Variants in ACAT1 observed in about 807,000 individuals in gnomAD.
ACAT1 encodes the protein acetyl-CoA acetyltransferase, mitochondrial.
A neutral mutation model predicts 47.3 loss-of-function variants in ACAT1; 28 were observed. That is an observed-to-expected ratio of 0.59 (90% CI 0.44 to 0.81). ACAT1 has a LOEUF of 0.81. Ranked by LOEUF, ACAT1 falls within the 30% of genes least tolerant of loss-of-function variation. The probability of loss-of-function intolerance (pLI) is 0.00; values close to 1 mark genes in which losing one functional copy is unlikely to be tolerated. For missense variants in ACAT1, 469 were observed against 524.3 expected (o/e 0.89, Z 1.03); for synonymous variants, 181 against 173.6 (o/e 1.04, Z -0.34).
chr11:108,121,563 C>A (rs1020954601), upstream of ACAT1: 6 of 1,542,438 alleles, frequency 3.9e-6, no homozygotes, highest in Admixed American at 7.8e-5. Flanking sequence ...GGGAGGAGGC[C>A]GCTAGTCTAC....
chr11:108,143,830 A>G (rs2077641197), intron 9 of ACAT1, 153 bp from the exon 10 acceptor site: 2 of 395,564 alleles, frequency 5.1e-6, no homozygotes, highest in African/African-American at 2.3e-5. Flanking sequence ...GTAATTTTAT[A>G]AAGTGTAGAA....
At chr11:108,131,826 T>G (rs2077365498) in intron 1 of ACAT1, 81 bp from the exon 2 acceptor site, 1 of 647,210 alleles carries the variant, frequency 1.5e-6, no homozygotes, top group African/African-American at 1.9e-5. Flanking sequence ...AAGAAACCAC[T>G]ATAACCTTAT....
chr11:108,140,051 C>A lies in ACAT1; in HGVS notation c.580-14C>A, dbSNP rs751093781. The A allele has an allele frequency of 9.9e-6, 16 of 1,610,178 alleles. No individual in the cohort carries two copies. In the African/African-American group the frequency reaches 2.1e-4, roughly 22 times the overall value. ...ATGCAAAGTTAACTTTAAAATATTTCAACTTTTTATCAGGGCAGCTGTGCT... is the reference window on the plus strand; with the variant it reads ...ATGCAAAGTTAACTTTAAAATATTTAAACTTTTTATCAGGGCAGCTGTGCT... On this transcript the variant is annotated splice_polypyrimidine_tract_variant and intron_variant, in intron 6 of 11. Transcript: ENST00000265838.
chr11:108,133,753 A>T, intron 2 of ACAT1, 67 bp from the exon 3 acceptor site: 1 of 1,266,108 alleles, frequency 7.9e-7, no homozygotes, highest in Non-Finnish European at 1.2e-6. Flanking sequence ...TAATATATTT[A>T]TGTTTATTTA....
intron 1 of ACAT1, among the ~76,000 whole-genome samples, chr11:108,125,924 TAAA>T (rs564125266): frequency 8.0e-6 from 1 of 124,598 alleles, no homozygotes. Context: ...AGACTCCGTC[TAAA>T]AAAAAAAAAA....
chr11:108,144,000 G>A lies in ACAT1; in HGVS notation c.958G>A (p.Val320Ile). 6.7e-7 allele frequency: 1 copy of A among 1,482,410 alleles called. No homozygotes were observed. Among genetic ancestry groups the A allele is most frequent in the Non-Finnish European group, 9.2e-7 (1 of 1,089,660 alleles). 91.8% of individuals were successfully genotyped at this position (1,482,410 alleles called of 1,614,324 possible). A position where few individuals can be genotyped will look rare whatever the true frequency, so the allele number is the denominator to read the frequency against. Residue 320 changes from valine (V) to isoleucine (I), a missense_variant, in exon 10 of 12, where the codon GTA becomes ATA. Coordinates refer to ENST00000265838, the MANE Select transcript of ACAT1 (RefSeq NM_000019.4). ...TTAAACAGCATTTGCTGACGCTGCT[G>A]TAGAACCTATTGATTTTCCAATTGC... ...ARIVAFADAA[V>I]EPIDFPIAPV...
Position 108,146,196 on chromosome 11 carries a change from T to A in ACAT1, c.1006-6T>A, listed in dbSNP as rs2077704699. 4.4e-6 allele frequency: 7 copies of A among 1,605,498 alleles called. No homozygotes were observed. The highest frequency in any genetic ancestry group is 6.0e-6 in the Non-Finnish European group (7 of 1,172,998). Reference sequence around the variant, plus strand: ...TGAACATCATCTGTCTTTTAAAAAATTTAAGGTTCTTAAAGATGTGGGATT... The same window carrying A: ...TGAACATCATCTGTCTTTTAAAAAAATTAAGGTTCTTAAAGATGTGGGATT... On this transcript the variant is annotated splice_region_variant and splice_polypyrimidine_tract_variant and intron_variant, in intron 10 of 11. Transcript: ENST00000265838.
At chr11:108,142,981 G>A in intron 9 of ACAT1, 1 of 188,858 alleles carries the variant, frequency 5.3e-6, no homozygotes, top group Admixed American at 5.3e-5. Flanking sequence ...AATTGAGATA[G>A]AAGCTCCTTT....
Position 108,123,919 on chromosome 11 carries a change from T to C in ACAT1, c.72+2241T>C, listed in dbSNP as rs532072462. Among the ~76,000 whole-genome samples the C allele has an allele frequency of 2.6e-5, 4 of 152,314 alleles. No individual in the cohort carries two copies. In the South Asian group the frequency reaches 8.3e-4, roughly 32 times the overall value. On this transcript the variant is annotated intron_variant, in intron 1 of 11. Coordinates refer to ENST00000265838, the MANE Select transcript of ACAT1 (RefSeq NM_000019.4). The stretch of plus-strand genomic sequence containing the variant: ...TCCAGTTTTATTCAGCTTCTTTTAA[T>C]ACTCAGACTTAAAAAAAAATTCCTG...
At chr11:108,142,113 T>C (rs1293848379) in intron 8 of ACAT1, among the ~76,000 whole-genome samples, 3 of 152,228 alleles carry the variant, frequency 2.0e-5, no homozygotes, top group African/African-American at 7.2e-5. Flanking sequence ...GAGTACCTGC[T>C]ATATATTGAA....
At position 108,135,180 on chromosome 11, in the gene ACAT1, GTT is replaced by G. The variant is rs774418317; in HGVS notation, c.375_376del (p.Ala127PhefsTer49). 1.2e-6 allele frequency: 2 copies of G among 1,613,872 alleles called. No individual in the cohort carries two copies. Among genetic ancestry groups the G allele is most frequent in the Admixed American group, 1.7e-5 (1 of 59,996 alleles). On this transcript the variant is annotated frameshift_variant, in exon 5 of 12. Transcript: ENST00000265838. LOFTEE classifies it high-confidence loss of function. ...TACTCCATGTACCACCATAAACAAA[GTT>G]TGTGCTTCAGGAATGAAAGCCATCA... The part of the protein sequence containing the change: ...ISTPCTTINK[V>X]CASGMKAIMM...
rs768923639 is a variant in ACAT1 at position 108,141,684 on chromosome 11, T to C, written c.810T>C (p.Val270=). 6.2e-7 allele frequency: 1 copy of C among 1,612,882 alleles called. No individual in the cohort carries two copies. The highest frequency in any genetic ancestry group is 8.5e-7 in the Non-Finnish European group (1 of 1,179,192). The part of the protein sequence containing the change: ...DFSKVPKLKT[V]FQKENGTVTA... Reference sequence around the variant, plus strand: ...GCAAAGTTCCAAAGCTGAAGACAGTTTTCCAGAAAGAAAATGGTTAGTGTT... The same window carrying C: ...GCAAAGTTCCAAAGCTGAAGACAGTCTTCCAGAAAGAAAATGGTTAGTGTT... The change falls in exon 8 of 12, where the codon GTT becomes GTC. Residue 270 remains valine, a synonymous_variant. Coordinates refer to ENST00000265838, the MANE Select transcript of ACAT1 (RefSeq NM_000019.4).
At chr11:108,121,387 A>G (rs2135282375), upstream of ACAT1, 2 of 608,406 alleles carry the variant, frequency 3.3e-6, no homozygotes, top group East Asian at 2.8e-5. Flanking sequence ...CAGTGTCTCC[A>G]TCCACGTCCT....
chr11:108,144,536 G>A (rs1408669092), intron 10 of ACAT1, among the ~76,000 whole-genome samples: 3 of 152,174 alleles, frequency 2.0e-5, no homozygotes, highest in Non-Finnish European at 4.4e-5. Flanking sequence ...TTGCTAAGCA[G>A]TCACAGGAAA....
chr11:108,121,012 C>T (rs889050168), upstream of ACAT1, among the ~76,000 whole-genome samples: 14 of 152,202 alleles, frequency 9.2e-5, no homozygotes, highest in Middle Eastern at 6.8e-3. Context: ...ACCAGTCTGG[C>T]CAACATGGTG....
chr11:108,134,145 C>A (rs2077415267), intron 3 of ACAT1, 76 bp from the exon 4 acceptor site: 1 of 1,364,092 alleles, frequency 7.3e-7, no homozygotes, highest in Non-Finnish European at 1.0e-6. Flanking sequence ...TGTGTAATGT[C>A]ACCTACCTTA....
intron 1 of ACAT1, chr11:108,128,024 ATACTG>A (rs1182540215): frequency 6.6e-6 from 1 of 151,918 alleles, no homozygotes; most frequent in African/African-American, 2.4e-5. Context: ...CAAACAAAGA[ATACTG>A]AGCTGGTAAG....
At chr11:108,123,972 T>C (rs1187858580) in intron 1 of ACAT1, among the ~76,000 whole-genome samples, 2 of 152,228 alleles carry the variant, frequency 1.3e-5, no homozygotes, top group African/African-American at 4.8e-5. Flanking sequence ...GCTTATTTGC[T>C]CCCAGATTCA....
chr11:108,141,769 C>T lies in ACAT1; in HGVS notation c.826+69C>T, dbSNP rs948302237. 21 of 1,011,352 alleles carry T rather than the reference C, an allele frequency of 2.1e-5. No homozygotes were observed. The African/African-American group carries it at 5.4e-4, about 26-fold the overall frequency. The allele number at this position is 1,011,352 out of a possible 1,614,324, so 62.6% of individuals were successfully genotyped here. Reference sequence around the variant, plus strand: ...TACCATATCTAGTTCTTAGAATTGCCTAAGGATTTTGAAAAATTCTAGAAA... The same window carrying T: ...TACCATATCTAGTTCTTAGAATTGCTTAAGGATTTTGAAAAATTCTAGAAA... On this transcript the variant is annotated intron_variant, in intron 8 of 11. Coordinates refer to ENST00000265838, the MANE Select transcript of ACAT1 (RefSeq NM_000019.4).
Sources: gnomAD v4.1 joint callset for allele counts (sites outside exome capture counted in the v4.1 genomes callset) on GRCh38, gnomAD v4.1.1 for gene constraint, MANE v1.5 for transcripts, NCBI Gene and HGNC (gene_info 2026-07-23, HGNC 2026-07-21) for gene names.